TANC2: variants seen among roughly 807,000 people sequenced by gnomAD.
TANC2 encodes tetratricopeptide repeat, ankyrin repeat and coiled-coil containing 2, also known as protein TANC2.
In TANC2, 26 loss-of-function variants were observed where a neutral mutation model predicts 210.5. The observed-to-expected ratio is 0.12, with a 90% confidence interval of 0.09 to 0.17. The LOEUF (loss-of-function observed/expected upper bound fraction) is 0.17, where lower values mean the gene tolerates loss of function less well. TANC2 is among the 10% of genes least tolerant of loss of function. The pLI is 1.00. For synonymous variants in TANC2, 931 were observed against 967.1 expected, an observed-to-expected ratio of 0.96 and a Z score of 0.69; for missense variants, 2,129 against 2,608.9, an observed-to-expected ratio of 0.82 and a Z score of 4.01.
At position 63,238,091 on chromosome 17, in the gene TANC2, G is replaced by T; in HGVS notation, c.1033+14G>T. ...ATTCAGTAGCAGGTAAGTTTTTGTT[G>T]TTGTTGTTGTTGTTGCTGTTGTTAA... is the stretch of plus-strand genomic sequence containing the variant. On this transcript the variant is annotated intron_variant, in intron 8 of 27. Transcript: ENST00000689528. 3 of 1,514,626 alleles carry T rather than the reference G, an allele frequency of 2.0e-6. No homozygotes were observed. Among genetic ancestry groups the T allele is most frequent in the African/African-American group, 1.4e-5 (1 of 71,148 alleles). The allele number at this position is 1,514,626 out of a possible 1,614,324, so 93.8% of individuals were successfully genotyped here. A position where few individuals can be genotyped will look rare whatever the true frequency, so the allele number is the denominator to read the frequency against.
chr17:63,116,460 G>A (rs973761831), intron 4 of TANC2, among the ~76,000 whole-genome samples: 1 of 152,220 alleles, frequency 6.6e-6, no homozygotes, highest in African/African-American at 2.4e-5. Flanking sequence ...GATTGTCCAG[G>A]CCCAGTTAGG....
intron 7 of TANC2, among the ~76,000 whole-genome samples, chr17:63,235,087 A>C (rs1009623172): frequency 1.4e-4 from 21 of 152,138 alleles, no homozygotes; most frequent in African/African-American, 5.1e-4. Context: ...GTTATCAAAA[A>C]AATCACTTTG....
intron 9 of TANC2, among the ~76,000 whole-genome samples, chr17:63,305,064 T>C (rs954262367): frequency 2.0e-5 from 3 of 152,220 alleles, no homozygotes; most frequent in African/African-American, 7.2e-5. Context: ...CTCAGATGGC[T>C]TAGACAGCAG....
At chr17:63,066,119 C>T (rs796760891) in intron 2 of TANC2, among the ~76,000 whole-genome samples, 7 of 152,212 alleles carry the variant, frequency 4.6e-5, no homozygotes, top group African/African-American at 1.7e-4. Flanking sequence ...GGACCTGGGT[C>T]AGCTGGAGCC....
At position 63,236,601 on chromosome 17, in the gene TANC2, A is replaced by G. The variant is rs115845767; in HGVS notation, c.770-1213A>G. On this transcript the variant is annotated intron_variant, in intron 7 of 27. Coordinates refer to ENST00000689528, the Ensembl canonical transcript of TANC2. ...AGTTTTTTAGGATATTCATCACCCA[A>G]ATAATGTACATTGAACCCACTAAGT... Among the ~76,000 whole-genome samples, 838 of 152,162 alleles carry G rather than the reference A, an allele frequency of 5.5e-3. 7 individuals are homozygous for G. The highest frequency in any genetic ancestry group is 0.018 in the African/African-American group (747 of 41,548).
chr17:63,355,063 T>C (rs761295874), exon 14 of TANC2: 1 of 1,613,928 alleles, frequency 6.2e-7, no homozygotes, highest in African/African-American at 1.3e-5. Flanking sequence ...AGCTACAAAG[T>C]AGTTCCTGTT....
chr17:63,279,492 G>T (rs2043995957), intron 9 of TANC2, among the ~76,000 whole-genome samples: 1 of 147,134 alleles, frequency 6.8e-6, no homozygotes, highest in Non-Finnish European at 1.5e-5. Flanking sequence ...TGATCTTAGG[G>T]GCTATAAATT....
chr17:63,228,524 A>G lies in TANC2; in HGVS notation c.770-9290A>G, dbSNP rs145782007. Among the ~76,000 whole-genome samples, 477 of 152,300 alleles carry G rather than the reference A, an allele frequency of 3.1e-3. 4 individuals carry two copies. Among genetic ancestry groups the G allele is most frequent in the African/African-American group, 0.011 (437 of 41,560 alleles). The stretch of plus-strand genomic sequence containing the variant: ...GAATCTATAAATTACTTTGGGCAGT[A>G]TGGCTATTTTCACAATGTTGATTCT... On this transcript the variant is annotated intron_variant, in intron 7 of 27. Transcript: ENST00000689528.
At chr17:62,989,936 A>G (rs1226173775) in intron 1 of TANC2, among the ~76,000 whole-genome samples, 1 of 151,654 alleles carries the variant, frequency 6.6e-6, no homozygotes, top group African/African-American at 2.4e-5. Flanking sequence ...ACACCTGGCT[A>G]ATTTTTTTTG....
rs577822896 is a variant in TANC2 at position 63,299,878 on chromosome 17, A to G, written c.1160-14510A>G. Reference sequence around the variant, plus strand: ...TGCCCATGCCTATGTCCTGAATGGTATTGCCTAAATTTTCTTCTGGGGTTT... The same window carrying G: ...TGCCCATGCCTATGTCCTGAATGGTGTTGCCTAAATTTTCTTCTGGGGTTT... On this transcript the variant is annotated intron_variant, in intron 9 of 27. Transcript: ENST00000689528. Among the ~76,000 whole-genome samples, 11 of 152,152 alleles carry G rather than the reference A, an allele frequency of 7.2e-5. No homozygotes were observed. The South Asian group carries it at 2.3e-3, about 32-fold the overall frequency.
At chr17:62,975,834 C>T (rs1258552190) in intron 1 of TANC2, among the ~76,000 whole-genome samples, 9 of 151,984 alleles carry the variant, frequency 5.9e-5, no homozygotes, top group Non-Finnish European at 1.2e-4. Context: ...ATCCTTAGGA[C>T]GATGTCTAGT....
intron 3 of TANC2, among the ~76,000 whole-genome samples, chr17:63,085,847 C>T (rs1378045157): frequency 2.0e-5 from 3 of 152,132 alleles, no homozygotes; most frequent in African/African-American, 7.2e-5. Context: ...TTCTCTAAGG[C>T]TTATCCTTTC....
intron 2 of TANC2, among the ~76,000 whole-genome samples, chr17:63,071,564 T>G (rs1598352335): frequency 6.6e-6 from 1 of 152,206 alleles, no homozygotes; most frequent in Non-Finnish European, 1.5e-5. Flanking sequence ...TGAGGTACTT[T>G]ATTTTGGTTG....
intron 4 of TANC2, among the ~76,000 whole-genome samples, chr17:63,109,771 A>T (rs1046556729): frequency 6.6e-6 from 1 of 151,776 alleles, no homozygotes; most frequent in Non-Finnish European, 1.5e-5. Context: ...TTTGTAACAT[A>T]GCCTGCTCCT....
At chr17:63,327,918 T>TCCCCACTC (rs1471037691) in intron 11 of TANC2, among the ~76,000 whole-genome samples, 1 of 152,114 alleles carries the variant, frequency 6.6e-6, no homozygotes, top group Non-Finnish European at 1.5e-5. Flanking sequence ...ATGCTATCCC[T>TCCCCACTC]CCCCACTCCC....
intron 4 of TANC2, chr17:63,150,830 A>T (rs189322926): frequency 6.6e-6 from 1 of 152,222 alleles, no homozygotes; most frequent in Non-Finnish European, 1.5e-5. Flanking sequence ...ACCTTGAAAC[A>T]TAGTCCTGTG....
intron 3 of TANC2, among the ~76,000 whole-genome samples, chr17:63,093,114 A>G (rs1470414870): frequency 6.6e-6 from 1 of 152,098 alleles, no homozygotes; most frequent in African/African-American, 2.4e-5. Context: ...GTTTTTTAAT[A>G]TGGTTCATCT....
intron 11 of TANC2, among the ~76,000 whole-genome samples, chr17:63,338,746 T>G (rs1425122874): frequency 6.6e-6 from 1 of 152,242 alleles, no homozygotes. Context: ...TGCTCAGACT[T>G]CATTGCTTCA....
intron 7 of TANC2, among the ~76,000 whole-genome samples, chr17:63,222,758 A>G (rs887571917): frequency 6.6e-6 from 1 of 151,696 alleles, no homozygotes; most frequent in African/African-American, 2.4e-5. Context: ...CATACACACT[A>G]GCATGACACA....
Sources: gnomAD v4.1 joint callset for allele counts (sites outside exome capture counted in the v4.1 genomes callset) on GRCh38, gnomAD v4.1.1 for gene constraint, MANE v1.5 for transcripts, NCBI Gene and HGNC (gene_info 2026-07-23, HGNC 2026-07-21) for gene names.